The following CNOT4 variants were observed in gnomAD, a reference collection of about 807,000 sequenced individuals.
The protein encoded by CNOT4 is CCR4-NOT transcription complex subunit 4.
Under a neutral mutation model 73.8 loss-of-function variants are expected in CNOT4, and 8 were observed. That is an observed-to-expected ratio of 0.11 (90% CI 0.06 to 0.20). The LOEUF (loss-of-function observed/expected upper bound fraction) is 0.20. Among genes scored for constraint, CNOT4 ranks in the 10% least tolerant of loss-of-function variants. CNOT4 has a pLI of 1.00. For missense variants in CNOT4, 564 were observed against 883.4 expected, an observed-to-expected ratio of 0.64 and a Z score of 4.58; for synonymous variants, 293 against 321.1, an observed-to-expected ratio of 0.91 and a Z score of 0.94.
At chr7:135,396,950 A>C (rs894334282) in intron 8 of CNOT4, among the ~76,000 whole-genome samples, 6 of 152,050 alleles carry the variant, frequency 3.9e-5, no homozygotes, top group African/African-American at 1.4e-4. Flanking sequence ...TAATTTTACC[A>C]TTTATTACTA....
At chr7:135,386,980 T>C (rs1007439521) in intron 10 of CNOT4, 35 of 588,268 alleles carry the variant, frequency 5.9e-5, no homozygotes, top group Middle Eastern at 8.5e-4. Flanking sequence ...CACTGAATGC[T>C]GGAGAAGGCT....
In CNOT4 at chr7:135,387,821, T is replaced by G. The variant is rs1585567512; in HGVS notation, c.1627+6097A>C. The G allele has an allele frequency of 4.1e-6, 4 of 980,252 alleles. No homozygotes were observed. In the African/African-American group the frequency reaches 5.2e-5, roughly 13 times the overall value. The allele number at this position is 980,252 out of a possible 1,614,324, so 60.7% of individuals were successfully genotyped here. Reference sequence around the variant, plus strand: ...ACTCCACTATTCTCTTGATTAAAATTATCTGTTACAATTTAGGTGGCCTAA... The same window carrying G: ...ACTCCACTATTCTCTTGATTAAAATGATCTGTTACAATTTAGGTGGCCTAA... On this transcript the variant is annotated intron_variant, in intron 10 of 11. Coordinates refer to ENST00000541284, the MANE Select transcript of CNOT4 (RefSeq NM_001190850.2).
intron 1 of CNOT4, among the ~76,000 whole-genome samples, chr7:135,504,422 AGTAGCTGGAATTACAGGCAC>A (rs1804201803): frequency 6.9e-6 from 1 of 144,088 alleles, no homozygotes. Flanking sequence ...CAGCCTCCCG[AGTAGCTGGAATTACAGGCAC>A]GTGCCACCAC....
intron 6 of CNOT4, among the ~76,000 whole-genome samples, chr7:135,411,621 T>G (rs1797592204): frequency 6.6e-6 from 1 of 151,992 alleles, no homozygotes; most frequent in Non-Finnish European, 1.5e-5. Context: ...TGAACTTACT[T>G]TGAGTAACAT....
intron 10 of CNOT4, among the ~76,000 whole-genome samples, chr7:135,367,362 G>A (rs987836791): frequency 3.9e-5 from 6 of 152,038 alleles, no homozygotes; most frequent in African/African-American, 1.2e-4. Context: ...ACAATTCAAC[G>A]TGTATAAGTC....
At chr7:135,468,209 C>T (rs182243413) in intron 1 of CNOT4, among the ~76,000 whole-genome samples, 1 of 151,730 alleles carries the variant, frequency 6.6e-6, no homozygotes, top group East Asian at 2.0e-4. Context: ...GAGCGAGACT[C>T]TGTCTCAAAA....
intron 1 of CNOT4, among the ~76,000 whole-genome samples, chr7:135,479,558 T>C (rs2129487171): frequency 6.6e-6 from 1 of 152,016 alleles, no homozygotes; most frequent in South Asian, 2.1e-4. Context: ...ATACTGGAGT[T>C]ATTATTTATA....
chr7:135,388,900 GA>G, intron 10 of CNOT4: 1 of 1,612,230 alleles, frequency 6.2e-7, no homozygotes, highest in Non-Finnish European at 8.5e-7. Context: ...TTCCCCTGTG[GA>G]AAAGTCAGTC....
chr7:135,455,468 TAA>T lies in CNOT4; in HGVS notation c.-92-17047_-92-17046del, dbSNP rs1440145940. On this transcript the variant is annotated intron_variant, in intron 1 of 11. Transcript: ENST00000541284. ...ACACATTTAAAAAACAATTTCAAAA[TAA>T]AAGTCTACCAACCATGGACAAAGGA... 3.3e-5 allele frequency among the ~76,000 whole-genome samples: 5 copies of T among 151,788 alleles called. No individual in the cohort carries two copies. In the East Asian group the frequency reaches 9.6e-4, roughly 29 times the overall value.
intron 1 of CNOT4, among the ~76,000 whole-genome samples, chr7:135,467,939 G>A (rs1383066644): frequency 6.6e-6 from 1 of 152,150 alleles, no homozygotes; most frequent in East Asian, 1.9e-4. Context: ...AGATCGGCCA[G>A]GCGTGGTGGC....
chr7:135,481,959 A>C (rs764446007), intron 1 of CNOT4, among the ~76,000 whole-genome samples: 1 of 152,166 alleles, frequency 6.6e-6, no homozygotes. Context: ...GGATAAAGAG[A>C]AGTTGGTTAA....
Position 135,413,627 on chromosome 7 carries a change from A to G in CNOT4, c.562-14T>C. On this transcript the variant is annotated splice_polypyrimidine_tract_variant and intron_variant, in intron 5 of 11. Coordinates refer to ENST00000541284, the MANE Select transcript of CNOT4 (RefSeq NM_001190850.2). The stretch of plus-strand genomic sequence containing the variant: ...ACCTAGAGATGCCTGCAGGAGGAAG[A>G]GGGGTAAAGGAAAAGAAGACTCAAT... The G allele has an allele frequency of 6.2e-7, 1 of 1,605,446 alleles. No homozygotes were observed. The highest frequency in any genetic ancestry group is 8.5e-7 in the Non-Finnish European group (1 of 1,175,506).
chr7:135,385,032 C>T (rs1241720786), intron 10 of CNOT4, among the ~76,000 whole-genome samples: 1 of 151,938 alleles, frequency 6.6e-6, no homozygotes, highest in Non-Finnish European at 1.5e-5. Flanking sequence ...TAGTTCTTCT[C>T]CATTCCAACC....
At chr7:135,391,538 A>G (rs1202091649) in intron 10 of CNOT4, among the ~76,000 whole-genome samples, 1 of 152,080 alleles carries the variant, frequency 6.6e-6, no homozygotes, top group African/African-American at 2.4e-5. Context: ...ATCTCTGAAA[A>G]AAAAAGGTTT....
intron 10 of CNOT4, among the ~76,000 whole-genome samples, chr7:135,393,285 T>G (rs1185060740): frequency 6.6e-6 from 1 of 152,210 alleles, no homozygotes; most frequent in Non-Finnish European, 1.5e-5. Context: ...ATACTTCATA[T>G]TTTTCCCCAG....
At chr7:135,425,893 C>A (rs1798465164) in intron 2 of CNOT4, among the ~76,000 whole-genome samples, 1 of 151,980 alleles carries the variant, frequency 6.6e-6, no homozygotes, top group African/African-American at 2.4e-5. Flanking sequence ...GTCAGAATAT[C>A]AATAAACTAA....
intron 10 of CNOT4, chr7:135,388,664 G>C: frequency 7.4e-7 from 1 of 1,347,584 alleles, no homozygotes; most frequent in Non-Finnish European, 9.7e-7. Flanking sequence ...GCTAGCTGTA[G>C]GCATGAGGAA....
chr7:135,478,960 T>C (rs1031275938), intron 1 of CNOT4, among the ~76,000 whole-genome samples: 4 of 152,140 alleles, frequency 2.6e-5, no homozygotes, highest in Non-Finnish European at 5.9e-5. Context: ...TGATGTAATT[T>C]TGACCATATC....
At chr7:135,466,597 AC>A (rs1223764808) in intron 1 of CNOT4, among the ~76,000 whole-genome samples, 5 of 152,204 alleles carry the variant, frequency 3.3e-5, no homozygotes, top group African/African-American at 1.2e-4. Context: ...TACAATGTCT[AC>A]AGTAGTGTAC....
Sources: allele counts gnomAD v4.1 joint callset (sites outside exome capture counted in the v4.1 genomes callset), GRCh38; gene constraint gnomAD v4.1.1; transcripts MANE v1.5; gene names NCBI Gene and HGNC (gene_info 2026-07-23, HGNC 2026-07-21).